The following NUP98 variants were observed in gnomAD, a reference collection of about 807,000 sequenced individuals.
NUP98 encodes nuclear pore complex protein Nup98-Nup96.
NUP98 carries 26 observed loss-of-function variants against 191.9 expected under a neutral mutation model. The ratio of observed to expected loss-of-function variants is 0.14; its 90% CI spans 0.10 to 0.19. The LOEUF is 0.19. Among genes scored for constraint, NUP98 ranks in the 10% least tolerant of loss-of-function variants. The probability of loss-of-function intolerance (pLI) is 1.00; values close to 1 mark genes in which losing one functional copy is unlikely to be tolerated. For missense variants in NUP98, 1,941 were observed against 2,178.8 expected (o/e 0.89, Z 2.17); for synonymous variants, 808 against 778.4 (o/e 1.04, Z -0.63).
chr11:3,774,175 G>A (rs2081623271), intron 5 of NUP98, among the ~76,000 whole-genome samples: 1 of 152,130 alleles, frequency 6.6e-6, no homozygotes, highest in Admixed American at 6.6e-5. Flanking sequence ...CGAGGCGGGT[G>A]GATCATGAGG....
chr11:3,693,193 C>G, intron 27 of NUP98, 39 bp downstream of exon 27: 1 of 1,608,860 alleles, frequency 6.2e-7, no homozygotes. Context: ...ACTTTAACAC[C>G]CAGCAAGATT....
intron 21 of NUP98, among the ~76,000 whole-genome samples, chr11:3,706,099 G>C (rs1192809412): frequency 6.6e-6 from 1 of 151,892 alleles, no homozygotes; most frequent in Non-Finnish European, 1.5e-5. Context: ...AACCCAGGAG[G>C]TGGAGGTTGC....
rs114944299 is a variant in NUP98, at chr11:3,680,146, T to C, written c.4919-438A>G. Among the ~76,000 whole-genome samples, 1,422 of 152,316 alleles carry C rather than the reference T, an allele frequency of 9.3e-3. 17 individuals are homozygous for C. The highest frequency in any genetic ancestry group is 0.032 in the African/African-American group (1,329 of 41,562). ...TGATCAGGGTGTTGCCTGCTGAAGGTTGTGATGGCTATGCTAATTTCTTAA... is the reference window on the plus strand; with the variant it reads ...TGATCAGGGTGTTGCCTGCTGAAGGCTGTGATGGCTATGCTAATTTCTTAA... On this transcript the variant is annotated intron_variant, in intron 30 of 32. Coordinates refer to ENST00000324932, the MANE Select transcript of NUP98 (RefSeq NM_016320.5).
rs752300595 is a variant in NUP98 at position 3,683,328 on chromosome 11, T to C, written c.4790A>G (p.Lys1597Arg). The C allele has an allele frequency of 6.5e-5, 105 of 1,614,070 alleles. No homozygotes were observed. The highest frequency in any genetic ancestry group is 8.5e-5 in the Non-Finnish European group (100 of 1,180,032). Reference protein sequence around the residue: ...FLTQKLRVPAKWIHEAKAVRA... With the variant: ...FLTQKLRVPARWIHEAKAVRA... ...CACAGCTTTGGCCTCGTGGATCCAT[T>C]TGGCAGGTACACGGAGCTTCTGGGT... Residue 1597 changes from lysine to arginine, a missense_variant, in exon 30 of 33, where the codon AAA (lysine) becomes AGA (arginine). By Grantham distance (26) the Lys-to-Arg change is conservative. This residue lies in a region of NUP98 where 1,030 missense variants were observed against 1,115.8 expected (regional missense o/e 0.92). Transcript: ENST00000324932.
At chr11:3,733,713 T>C (rs999936966) in intron 13 of NUP98, among the ~76,000 whole-genome samples, 13 of 152,368 alleles carry the variant, frequency 8.5e-5, no homozygotes, top group African/African-American at 2.9e-4. Flanking sequence ...TATAGACTTA[T>C]AAAACATTTT....
intron 19 of NUP98, among the ~76,000 whole-genome samples, 176 bp downstream of exon 19, chr11:3,713,642 C>A (rs1332907896): frequency 6.6e-6 from 1 of 152,106 alleles, no homozygotes; most frequent in Admixed American, 6.5e-5. Flanking sequence ...TTGCTTGAGC[C>A]CAGGAATTTG....
At chr11:3,733,581 G>A (rs567647814) in intron 13 of NUP98, among the ~76,000 whole-genome samples, 1 of 152,136 alleles carries the variant, frequency 6.6e-6, no homozygotes, top group African/African-American at 2.4e-5. Context: ...CAAAGTGCTG[G>A]GATTAAAGGC....
rs905940993 is a variant in NUP98 at position 3,772,502 on chromosome 11, T to C, written c.604-574A>G. Among the ~76,000 whole-genome samples the C allele has an allele frequency of 3.3e-5, 5 of 152,210 alleles. No homozygotes were observed. The South Asian group carries it at 6.2e-4, about 19-fold the overall frequency. On this transcript the variant is annotated intron_variant, in intron 6 of 32. Transcript: ENST00000324932. ...GCAACAACATGGATGACTATCTCAA[T>C]GTTCAAAGACAGCCATTAAAAAGTA...
Position 3,723,108 on chromosome 11 carries a change from A to G in NUP98, c.2146+49T>C, listed in dbSNP as rs748715414. 3.2e-6 allele frequency: 5 copies of G among 1,555,608 alleles called. No individual in the cohort carries two copies. In the Admixed American group the frequency reaches 8.7e-5, roughly 27 times the overall value. The stretch of plus-strand genomic sequence containing the variant: ...GTTGAATATCTGCAACAAGCAAGTC[A>G]TCTCGAATGACTGGTAAGAGATTAA... On this transcript the variant is annotated intron_variant, in intron 16 of 32. Transcript: ENST00000324932.
chr11:3,700,572 T>C lies in NUP98; in HGVS notation c.3742+38A>G, dbSNP rs150533009. Reference sequence around the variant, plus strand: ...TGAACATACGCTACCACCACTATTATTGGGACATCAAACATTAGAAACATA... The same window carrying C: ...TGAACATACGCTACCACCACTATTACTGGGACATCAAACATTAGAAACATA... On this transcript the variant is annotated intron_variant, in intron 24 of 32. Coordinates refer to ENST00000324932, the MANE Select transcript of NUP98 (RefSeq NM_016320.5). 5.7e-4 allele frequency: 814 copies of C among 1,420,054 alleles called. 3 individuals are homozygous for C. In the African/African-American group the frequency reaches 9.9e-3, roughly 17 times the overall value. The allele number at this position is 1,420,054 out of a possible 1,614,324, so 88.0% of individuals were successfully genotyped here.
At chr11:3,684,157 A>G (rs1218976699) in intron 29 of NUP98, among the ~76,000 whole-genome samples, 5 of 152,174 alleles carry the variant, frequency 3.3e-5, no homozygotes, top group Non-Finnish European at 4.4e-5. Flanking sequence ...AATTGCAGTG[A>G]GCCGAGATCA....
intron 12 of NUP98, among the ~76,000 whole-genome samples, chr11:3,742,932 T>C (rs2080338092): frequency 6.6e-6 from 1 of 152,172 alleles, no homozygotes; most frequent in African/African-American, 2.4e-5. Context: ...ATCTGACTAT[T>C]CATTCTATTT....
chr11:3,788,076 A>G (rs1367812564), intron 1 of NUP98, among the ~76,000 whole-genome samples: 1 of 152,166 alleles, frequency 6.6e-6, no homozygotes, highest in African/African-American at 2.4e-5. Flanking sequence ...TTAGTTATGC[A>G]ATATATTTGT....
intron 8 of NUP98, 119 bp downstream of exon 8, chr11:3,768,462 T>A: frequency 2.5e-6 from 2 of 794,014 alleles, no homozygotes; most frequent in African/African-American, 1.8e-5. Context: ...CTTCATTAAA[T>A]ACCCTCAACT....
At chr11:3,753,938 C>G (rs1336769931) in intron 10 of NUP98, among the ~76,000 whole-genome samples, 1 of 149,710 alleles carries the variant, frequency 6.7e-6, no homozygotes, top group Non-Finnish European at 1.5e-5. Flanking sequence ...GACTCTGTCT[C>G]GAAAACAAAT....
chr11:3,703,708 A>G (rs2078777928), intron 22 of NUP98, among the ~76,000 whole-genome samples: 1 of 152,202 alleles, frequency 6.6e-6, no homozygotes, highest in Admixed American at 6.5e-5. Flanking sequence ...TATAAAAGTA[A>G]GATCAAAACT....
intron 11 of NUP98, among the ~76,000 whole-genome samples, chr11:3,750,049 A>G (rs1479115208): frequency 1.3e-5 from 2 of 152,246 alleles, no homozygotes; most frequent in African/African-American, 4.8e-5. Context: ...TGCCAACATC[A>G]TCAAATAAAT....
chr11:3,755,590 A>T (rs531073283), intron 10 of NUP98, among the ~76,000 whole-genome samples: 28 of 152,306 alleles, frequency 1.8e-4, no homozygotes, highest in Middle Eastern at 3.4e-3. Flanking sequence ...TATTTGGATT[A>T]TTATCTCAAT....
At chr11:3,738,961 G>A (rs1052840877) in intron 12 of NUP98, among the ~76,000 whole-genome samples, 1 of 152,014 alleles carries the variant, frequency 6.6e-6, no homozygotes, top group Non-Finnish European at 1.5e-5. Flanking sequence ...CACCATACCT[G>A]AGGTTTTTTT....
Sources: gnomAD v4.1 joint callset for allele counts (sites outside exome capture counted in the v4.1 genomes callset) on GRCh38, gnomAD v4.1.1 for gene constraint, gnomAD v4.1.1 regional missense constraint, MANE v1.5 for transcripts, NCBI Gene and HGNC (gene_info 2026-07-23, HGNC 2026-07-21) for gene names.